The following FOXP2 variants were observed in gnomAD, a reference collection of about 807,000 sequenced individuals.
FOXP2 encodes forkhead box protein P2.
In FOXP2, 12 loss-of-function variants were observed where a neutral mutation model predicts 115.8. That is an observed-to-expected ratio of 0.10 (90% confidence interval 0.07 to 0.17). The LOEUF is 0.17. Among genes scored for constraint, FOXP2 ranks in the 10% least tolerant of loss-of-function variants. The probability of loss-of-function intolerance (pLI) is 1.00; values close to 1 mark genes in which losing one functional copy is unlikely to be tolerated. For missense variants in FOXP2, 629 were observed against 843.5 expected, an observed-to-expected ratio of 0.75 and a Z score of 3.15; for synonymous variants, 328 against 297.7, an observed-to-expected ratio of 1.10 and a Z score of -1.05.
rs1166701755 is a variant in FOXP2 at position 114,283,172 on chromosome 7, TA to T, written c.-101-4846del. 1.4e-3 allele frequency among the ~76,000 whole-genome samples: 218 copies of T among 152,316 alleles called. 1 individual carries two copies. Among genetic ancestry groups the T allele is most frequent in the Non-Finnish European group, 1.5e-4 (10 of 68,020 alleles). ...CCTTCATAGCCAATCAACAATTATC[TA>T]CTTTCTCTTGTTTGGCTATAGTTAA... is the stretch of plus-strand genomic sequence containing the variant. On this transcript the variant is annotated intron_variant, in intron 1 of 17. Transcript: ENST00000634411.
At chr7:114,494,882 A>T (rs1417656594) in intron 2 of FOXP2, among the ~76,000 whole-genome samples, 1 of 152,182 alleles carries the variant, frequency 6.6e-6, no homozygotes, top group Non-Finnish European at 1.5e-5. Flanking sequence ...CTGCCATTTA[A>T]CAAAGGCCAT....
chr7:114,461,328 T>C (rs7778584), intron 2 of FOXP2, among the ~76,000 whole-genome samples: 1 of 152,218 alleles, frequency 6.6e-6, no homozygotes, highest in Admixed American at 6.5e-5. Flanking sequence ...TAAGAGTTTG[T>C]TCTGTCTGAT....
At chr7:114,440,621 C>A (rs771562461) in intron 2 of FOXP2, among the ~76,000 whole-genome samples, 3 of 152,130 alleles carry the variant, frequency 2.0e-5, no homozygotes, top group Non-Finnish European at 4.4e-5. Context: ...ATAGAACAAT[C>A]TAAATTGTTA....
At chr7:114,543,319 G>A (rs1317365588) in intron 3 of FOXP2, among the ~76,000 whole-genome samples, 1 of 152,054 alleles carries the variant, frequency 6.6e-6, no homozygotes, top group Non-Finnish European at 1.5e-5. Flanking sequence ...TAGAATTATA[G>A]TAGACCCTCA....
In FOXP2 at chr7:114,392,144, G is replaced by A. The variant is rs117456815; in HGVS notation, c.-10-34358G>A. Among the ~76,000 whole-genome samples the A allele has an allele frequency of 6.0e-3, 919 of 152,288 alleles. 7 individuals are homozygous for A. In the Middle Eastern group the frequency reaches 0.088, roughly 15 times the overall value. On this transcript the variant is annotated intron_variant, in intron 2 of 17. Transcript: ENST00000634411. ...TCACATAGTGAGATTCTGTCAAGTG[G>A]AAGCTGAAGCAGACAGTTTTCCAGT...
chr7:114,585,581 A>G (rs1322936284), intron 3 of FOXP2, among the ~76,000 whole-genome samples: 1 of 151,904 alleles, frequency 6.6e-6, no homozygotes, highest in Non-Finnish European at 1.5e-5. Context: ...AAAAAAAAAA[A>G]AAAGCCAGGC....
chr7:114,628,800 T>C, intron 4 of FOXP2, 123 bp downstream of exon 4: 1 of 1,177,112 alleles, frequency 8.5e-7, no homozygotes, highest in Non-Finnish European at 1.2e-6. Flanking sequence ...ATTAGCGTGC[T>C]AGAACATAAA....
At position 114,424,017 on chromosome 7, in the gene FOXP2, T is replaced by A. The variant is rs560525145; in HGVS notation, c.-10-2485T>A. The stretch of plus-strand genomic sequence containing the variant: ...CATTATTTTACTAACTCTTAGATGA[T>A]TGAACTTAAAATGTAAATAACAGTT... On this transcript the variant is annotated intron_variant, in intron 1 of 16. Coordinates refer to ENST00000350908, the MANE Select transcript of FOXP2 (RefSeq NM_014491.4). 7.9e-5 allele frequency among the ~76,000 whole-genome samples: 12 copies of A among 151,658 alleles called. No individual in the cohort carries two copies. In the East Asian group the frequency reaches 2.3e-3, roughly 30 times the overall value.
chr7:114,667,219 T>C, intron 16 of FOXP2: 1 of 151,676 alleles, frequency 6.6e-6, no homozygotes, highest in Non-Finnish European at 1.5e-5. Flanking sequence ...AGGCCAGGAG[T>C]TCAAGACCAG....
At chr7:114,168,924 C>T (rs1424279999) in intron 1 of FOXP2, among the ~76,000 whole-genome samples, 4 of 152,166 alleles carry the variant, frequency 2.6e-5, no homozygotes, top group African/African-American at 9.7e-5. Context: ...CTGTGGCTTC[C>T]GAGGGTTCAA....
chr7:114,378,517 C>T (rs71571201), intron 2 of FOXP2, among the ~76,000 whole-genome samples: 5 of 151,312 alleles, frequency 3.3e-5, no homozygotes, highest in African/African-American at 1.2e-4. Context: ...GACCTTCTCT[C>T]TACAAAAAAT....
At chr7:114,225,634 G>A (rs931377692) in intron 1 of FOXP2, among the ~76,000 whole-genome samples, 12 of 151,678 alleles carry the variant, frequency 7.9e-5, no homozygotes, top group Non-Finnish European at 1.3e-4. Flanking sequence ...TTTTGTTGTT[G>A]TGTAGATGGG....
At chr7:114,132,415 A>T (rs1435872594) in intron 1 of FOXP2, among the ~76,000 whole-genome samples, 5 of 152,120 alleles carry the variant, frequency 3.3e-5, no homozygotes, top group Admixed American at 6.6e-5. Flanking sequence ...AACAAAACAT[A>T]AAAAAATCAC....
At chr7:114,402,930 G>A (rs1339102557) in intron 2 of FOXP2, among the ~76,000 whole-genome samples, 1 of 152,060 alleles carries the variant, frequency 6.6e-6, no homozygotes, top group Non-Finnish European at 1.5e-5. Context: ...GCAGGCAGGA[G>A]CTACCATGCC....
At chr7:114,183,200 TTAAAGATGGCACTTTTGCA>T (rs1793501945) in intron 1 of FOXP2, among the ~76,000 whole-genome samples, 2 of 152,164 alleles carry the variant, frequency 1.3e-5, no homozygotes, top group Non-Finnish European at 2.9e-5. Context: ...TAAGTGTATT[TTAAAGATGGCACTTTTGCA>T]TCAATTTTTA....
intron 2 of FOXP2, among the ~76,000 whole-genome samples, chr7:114,532,940 T>C (rs899505072): frequency 6.6e-6 from 1 of 151,990 alleles, no homozygotes; most frequent in African/African-American, 2.4e-5. Context: ...ATATATTATT[T>C]AGAATATTGA....
At chr7:114,212,217 A>G (rs1794377280) in intron 1 of FOXP2, among the ~76,000 whole-genome samples, 2 of 151,774 alleles carry the variant, frequency 1.3e-5, no homozygotes, top group African/African-American at 2.4e-5. Context: ...TTGTTTTCCT[A>G]TCTTAAGTGT....
intron 1 of FOXP2, among the ~76,000 whole-genome samples, chr7:114,197,940 C>T (rs1435171692): frequency 6.6e-6 from 1 of 151,812 alleles, no homozygotes; most frequent in Non-Finnish European, 1.5e-5. Flanking sequence ...TCTCAGCTCA[C>T]TGCAACCTCT....
intron 1 of FOXP2, among the ~76,000 whole-genome samples, chr7:114,271,586 A>G (rs1452972151): frequency 2.4e-5 from 3 of 125,280 alleles, no homozygotes; most frequent in Non-Finnish European, 4.8e-5. Flanking sequence ...ATATATTAAT[A>G]TTATTATAAT....
Sources: gnomAD v4.1 joint callset for allele counts (sites outside exome capture counted in the v4.1 genomes callset) on GRCh38, gnomAD v4.1.1 for gene constraint, MANE v1.5 for transcripts, NCBI Gene and HGNC (gene_info 2026-07-23, HGNC 2026-07-21) for gene names.